Variants in SNX17 observed in about 807,000 individuals in gnomAD.
SNX17 encodes sorting nexin-17.
Under a neutral mutation model 64.3 loss-of-function variants are expected in SNX17, and 35 were observed. The observed-to-expected ratio is 0.54, with a 90% confidence interval of 0.42 to 0.72. SNX17 has a LOEUF of 0.72. SNX17 is among the 30% of genes least tolerant of loss of function. The pLI is 0.00. For missense variants in SNX17, 538 were observed against 610.0 expected (o/e 0.88, Z 1.24); for synonymous variants, 259 against 230.2 (o/e 1.13, Z -1.13).
chr2:27,370,821 G>A lies in SNX17; in HGVS notation c.63+15G>A. ...CCGCCTACGTGGTGAGGAGCGGCCGGAGCCGAGCCGGGCCGGGCAGGGGCG... is the reference window on the plus strand; with the variant it reads ...CCGCCTACGTGGTGAGGAGCGGCCGAAGCCGAGCCGGGCCGGGCAGGGGCG... On this transcript the variant is annotated intron_variant, in intron 1 of 14. Coordinates refer to ENST00000233575, the MANE Select transcript of SNX17 (RefSeq NM_014748.4). 1 of 1,539,076 alleles carries A rather than the reference G, an allele frequency of 6.5e-7. No individual in the cohort carries two copies. Among genetic ancestry groups the A allele is most frequent in the Non-Finnish European group, 8.7e-7 (1 of 1,145,114 alleles).
chr2:27,374,287 C>G, intron 6 of SNX17, 59 bp from the exon 7 acceptor site: 1 of 1,383,776 alleles, frequency 7.2e-7, no homozygotes. Context: ...GCACTTCTTT[C>G]TTGATTTCCC....
At position 27,375,526 on chromosome 2, in the gene SNX17, G is replaced by A. The variant is rs1173697626; in HGVS notation, c.795G>A (p.Thr265=). The change falls in exon 10 of 15, where the codon ACG becomes ACA. Residue 265 remains threonine, a synonymous_variant. Coordinates refer to ENST00000233575, the MANE Select transcript of SNX17 (RefSeq NM_014748.4). The surrounding 1 kb of genome is among the most constrained non-coding windows in gnomAD (Gnocchi z 4.1). ...SKKEFLRLAQ[T]LRHYGYLRFD... ...TTCAGTTCCTGAGACTGGCCCAGAC[G>A]CTGCGGCACTATGGCTACTTGCGCT... The A allele has an allele frequency of 1.2e-5, 19 of 1,613,966 alleles. No homozygotes were observed. Among genetic ancestry groups the A allele is most frequent in the African/African-American group, 2.7e-5 (2 of 74,926 alleles).
In SNX17 at chr2:27,374,744, C is replaced by T. The variant is rs201235068; in HGVS notation, c.667C>T (p.Leu223=). ...DVMENRVGLN[L]LYAQTVSDIE... The stretch of plus-strand genomic sequence containing the variant: ...CATGGAGAACCGGGTTGGCCTGAAC[C>T]TGCTTTATGCTCAGGTGAGCTTGGA... The change falls in exon 8 of 15, where the codon CTG becomes TTG. Residue 223 remains leucine (L), a synonymous_variant. Coordinates refer to ENST00000233575, the MANE Select transcript of SNX17 (RefSeq NM_014748.4). The T allele has an allele frequency of 6.8e-6, 11 of 1,614,140 alleles. No homozygotes were observed. Among genetic ancestry groups the T allele is most frequent in the Admixed American group, 5.0e-5 (3 of 60,022 alleles).
At chr2:27,371,502 G>T in intron 2 of SNX17, 159 bp downstream of exon 2, 1 of 1,373,828 alleles carries the variant, frequency 7.3e-7, no homozygotes. Flanking sequence ...TGACATTTCC[G>T]GGAACTCCCT....
Position 27,376,589 on chromosome 2 carries a change from C to A in SNX17, c.1300-17C>A. 6.2e-7 allele frequency: 1 copy of A among 1,614,062 alleles called. No homozygotes were observed. The highest frequency in any genetic ancestry group is 1.7e-5 in the Admixed American group (1 of 60,006). ...TGCACGCCCAAGATCTCTGACCCCACCCTGCCTTTGTTACAGAGTAAGCTG... is the reference window on the plus strand; with the variant it reads ...TGCACGCCCAAGATCTCTGACCCCAACCTGCCTTTGTTACAGAGTAAGCTG... On this transcript the variant is annotated splice_polypyrimidine_tract_variant and intron_variant, in intron 14 of 14. Transcript: ENST00000233575.
chr2:27,370,740 G>C lies in SNX17; in HGVS notation c.-4G>C. 6.5e-7 allele frequency: 1 copy of C among 1,549,254 alleles called. No individual in the cohort carries two copies. Among genetic ancestry groups the C allele is most frequent in the African/African-American group, 1.4e-5 (1 of 73,102 alleles). The stretch of plus-strand genomic sequence containing the variant: ...GAGCCCGGCCGTGCCGTGCCGTAGG[G>C]AACATGCACTTTTCCATTCCCGAAA... On this transcript the variant is annotated 5_prime_UTR_variant, in exon 1 of 15. Coordinates refer to ENST00000233575, the MANE Select transcript of SNX17 (RefSeq NM_014748.4).
chr2:27,371,496 A>G lies in SNX17; in HGVS notation c.138+153A>G, dbSNP rs928127902. 20 of 1,381,666 alleles carry G rather than the reference A, an allele frequency of 1.4e-5. No individual in the cohort carries two copies. In the African/African-American group the frequency reaches 2.7e-4, roughly 19 times the overall value. The allele number at this position is 1,381,666 out of a possible 1,614,324, so 85.6% of individuals were successfully genotyped here. ...AGGGCCCTGGTTTATCTTGTCTGAC[A>G]TTTCCGGGAACTCCCTAAGAAGCTT... On this transcript the variant is annotated intron_variant, in intron 2 of 14. Coordinates refer to ENST00000233575, the MANE Select transcript of SNX17 (RefSeq NM_014748.4).
At chr2:27,371,574 C>G (rs1055657637) in intron 2 of SNX17, 1 of 841,506 alleles carries the variant, frequency 1.2e-6, no homozygotes. Context: ...GTTTTCTGTC[C>G]AGTCTTACTG....
chr2:27,372,887 G>A (rs78682672), intron 3 of SNX17, 147 bp downstream of exon 3: 82 of 1,277,660 alleles, frequency 6.4e-5, no homozygotes, highest in Non-Finnish European at 8.6e-5. Context: ...AAAGTAAATA[G>A]TGTACGAGGA....
chr2:27,376,870 C>T lies in SNX17; in HGVS notation c.*151C>T. ...CTTGGCCAGGGGCCTCGTATCCTAC[C>T]TTTCCTTGTCCCCTGGGCTGGCTGC... On this transcript the variant is annotated 3_prime_UTR_variant, in exon 15 of 15. Transcript: ENST00000233575. 1 of 647,924 alleles carries T rather than the reference C, an allele frequency of 1.5e-6. No homozygotes were observed. The allele number at this position is 647,924 out of a possible 1,614,324, so 40.1% of individuals were successfully genotyped here.
rs182846262 is a variant in SNX17, at chr2:27,374,073, C to T, written c.433-12C>T. ...CCAGTATGATGAGCTGTACTTCTAT[C>T]CCTATCCCCAGGCTGTAGCTGCAAA... On this transcript the variant is annotated splice_polypyrimidine_tract_variant and intron_variant, in intron 5 of 14. Transcript: ENST00000233575. 4 of 1,613,348 alleles carry T rather than the reference C, an allele frequency of 2.5e-6. No homozygotes were observed. The South Asian group carries it at 3.3e-5, about 13-fold the overall frequency.
At position 27,370,721 on chromosome 2, in the gene SNX17, G is replaced by T; in HGVS notation, c.-23G>T. 1 of 1,543,140 alleles carries T rather than the reference G, an allele frequency of 6.5e-7. No homozygotes were observed. Among genetic ancestry groups the T allele is most frequent in the South Asian group, 1.2e-5 (1 of 83,634 alleles). ...CTGCGGCCCTCACAGTCCGGAGCCC[G>T]GCCGTGCCGTGCCGTAGGGAACATG... On this transcript the variant is annotated 5_prime_UTR_variant, in exon 1 of 15. Coordinates refer to ENST00000233575, the MANE Select transcript of SNX17 (RefSeq NM_014748.4).
rs1683277418 is a variant in SNX17, at chr2:27,376,647, C to T, written c.1341C>T (p.Pro447=). The T allele has an allele frequency of 6.2e-7, 1 of 1,614,078 alleles. No homozygotes were observed. Among genetic ancestry groups the T allele is most frequent in the African/African-American group, 1.3e-5 (1 of 74,936 alleles). ...TGAGCTTGCGGGGAATTGGCAGTCC[C>T]AGCACAGATGCCAGTGCCAGTGATG... The part of the protein sequence containing the change: ...SAVSLRGIGS[P]STDASASDVH... The change falls in exon 15 of 15, where the codon CCC becomes CCT. Residue 447 remains proline (P), a synonymous_variant. Coordinates refer to ENST00000233575, the MANE Select transcript of SNX17 (RefSeq NM_014748.4).
At chr2:27,374,236 T>C in intron 6 of SNX17, 61 bp downstream of exon 6, 2 of 1,387,404 alleles carry the variant, frequency 1.4e-6, no homozygotes, top group Non-Finnish European at 2.0e-6. Flanking sequence ...GCAGCCCCCC[T>C]AACTCCCCAC....
In SNX17 at chr2:27,376,322, C is replaced by T. The variant is rs370516976; in HGVS notation, c.1192C>T (p.Arg398Trp). Residue 398 changes from arginine to tryptophan, a missense_variant, in exon 13 of 15, where the codon CGG becomes TGG. Transcript: ENST00000233575. ...SGGSIRKMLR[R>W]RVGGTLRRSD... ...TTGTGTCTGTCCCCAGATGCTGCGC[C>T]GGCGGGTGGGGGGTACTCTGAGACG... 56 of 1,611,498 alleles carry T rather than the reference C, an allele frequency of 3.5e-5. No individual in the cohort carries two copies. Among genetic ancestry groups the T allele is most frequent in the Non-Finnish European group, 4.3e-5 (51 of 1,178,296 alleles).
In SNX17 at chr2:27,371,666, C is replaced by CT. The variant is rs555444901; in HGVS notation, c.138+324dup. The CT allele has an allele frequency of 6.8e-4, 164 of 242,572 alleles. 1 individual carries two copies. The highest frequency in any genetic ancestry group is 3.5e-3 in the African/African-American group (156 of 44,450). The allele number at this position is 242,572 out of a possible 1,614,324, so 15.0% of individuals were successfully genotyped here. A position where few individuals can be genotyped will look rare whatever the true frequency, so the allele number is the denominator to read the frequency against. The stretch of plus-strand genomic sequence containing the variant: ...CCCAGGCTGTCAAAGCACATTCCTT[C>CT]TGTCATCTGAGCGGCAACTTGAAAT... On this transcript the variant is annotated intron_variant, in intron 2 of 14. Coordinates refer to ENST00000233575, the MANE Select transcript of SNX17 (RefSeq NM_014748.4).
In SNX17 at chr2:27,374,440, G is replaced by A; in HGVS notation, c.611+7G>A. The A allele has an allele frequency of 6.2e-7, 1 of 1,612,524 alleles. No homozygotes were observed. The highest frequency in any genetic ancestry group is 8.5e-7 in the Non-Finnish European group (1 of 1,178,804). ...AGATTGTGCTAAGGAAGAGGTCAGG[G>A]CTGGGCCTGGAAGGGGAGGGGTGGG... On this transcript the variant is annotated splice_region_variant and intron_variant, in intron 7 of 14. Coordinates refer to ENST00000233575, the MANE Select transcript of SNX17 (RefSeq NM_014748.4).
intron 3 of SNX17, 143 bp downstream of exon 3, chr2:27,372,883 A>G: frequency 7.7e-7 from 1 of 1,295,802 alleles, no homozygotes; most frequent in Non-Finnish European, 1.1e-6. Flanking sequence ...TAGCAAAGTA[A>G]ATAGTGTACG....
In SNX17 at chr2:27,375,649, G is replaced by A. The variant is rs1683118169; in HGVS notation, c.918G>A (p.Gln306=). ...ELSLQLRLPG[Q]QLREGSFRVT... ...GCCTGCAGCTCCGCCTGCCTGGCCA[G>A]CAACTCCGAGAAGGCTCCTTCCGGG... is the stretch of plus-strand genomic sequence containing the variant. Residue 306 remains glutamine, a synonymous_variant, in exon 10 of 15, where the codon CAG becomes CAA. Transcript: ENST00000233575. This position sits in a 1 kb window ranked among gnomAD's most constrained non-coding sequence, Gnocchi z 4.1. The A allele has an allele frequency of 1.4e-5, 22 of 1,614,200 alleles. No homozygotes were observed. Among genetic ancestry groups the A allele is most frequent in the Non-Finnish European group, 1.9e-5 (22 of 1,180,032 alleles).
Sources: gnomAD v4.1 joint callset for allele counts on GRCh38, gnomAD v4.1.1 for gene constraint, Gnocchi (gnomAD v3.1) non-coding constraint, MANE v1.5 for transcripts, NCBI Gene and HGNC (gene_info 2026-07-23, HGNC 2026-07-21) for gene names.